Variants in TIMM23B observed in about 807,000 individuals in gnomAD.
TIMM23B encodes mitochondrial import inner membrane translocase subunit Tim23B.
TIMM23B carries 27 observed loss-of-function variants against 27.3 expected under a neutral mutation model. That is an observed-to-expected ratio of 0.99 (90% CI 0.73 to 1.36). The LOEUF (loss-of-function observed/expected upper bound fraction) is 1.36, where lower values mean the gene tolerates loss of function less well. Among genes scored for constraint, TIMM23B ranks in the 40% most tolerant of loss-of-function variants. The pLI is 0.00. For missense variants in TIMM23B, 205 were observed against 244.2 expected, an observed-to-expected ratio of 0.84 and a Z score of 1.07; for synonymous variants, 73 against 92.4, an observed-to-expected ratio of 0.79 and a Z score of 1.21.
At chr10:49,953,676 G>A (rs2133066979) in intron 4 of TIMM23B, among the ~76,000 whole-genome samples, 1 of 152,178 alleles carries the variant, frequency 6.6e-6, no homozygotes, top group African/African-American at 2.4e-5. Context: ...CTGTTACTGT[G>A]TGGATCTCTG....
At chr10:49,947,161 C>G (rs1231978715) in intron 2 of TIMM23B, among the ~76,000 whole-genome samples, 1 of 152,202 alleles carries the variant, frequency 6.6e-6, no homozygotes, top group Non-Finnish European at 1.5e-5. Flanking sequence ...CCGAAGCAGT[C>G]AAACTCTTAG....
chr10:49,944,629 A>G, intron 1 of TIMM23B, among the ~76,000 whole-genome samples: 1 of 152,208 alleles, frequency 6.6e-6, no homozygotes, highest in East Asian at 1.9e-4. Flanking sequence ...AGAAAACCCA[A>G]CCCAACCACT....
At chr10:49,950,812 G>T (rs1839505719) in intron 2 of TIMM23B, among the ~76,000 whole-genome samples, 1 of 152,316 alleles carries the variant, frequency 6.6e-6, no homozygotes, top group East Asian at 1.9e-4. Flanking sequence ...AAAGCGCTGA[G>T]ATTACAGGCG....
chr10:49,963,303 G>GAAAT (rs1554854871), intron 6 of TIMM23B, among the ~76,000 whole-genome samples: 37 of 151,964 alleles, frequency 2.4e-4, no homozygotes, highest in African/African-American at 8.7e-4. Context: ...GAAATGAAAT[G>GAAAT]GAATGAAATG....
intron 6 of TIMM23B, among the ~76,000 whole-genome samples, chr10:49,970,678 T>C (rs1185254885): frequency 7.0e-6 from 1 of 142,230 alleles, no homozygotes; most frequent in Non-Finnish European, 1.5e-5. Context: ...GGGCAGCCCC[T>C]GCCCCGCCAG....
intron 6 of TIMM23B, among the ~76,000 whole-genome samples, chr10:49,963,261 C>T (rs1350569023): frequency 6.6e-6 from 1 of 152,012 alleles, no homozygotes; most frequent in Non-Finnish European, 1.5e-5. Context: ...GTGGCACACT[C>T]CAGCCTGGGC....
Position 49,945,137 on chromosome 10 carries a change from A to T in TIMM23B, c.165+47A>T, listed in dbSNP as rs1339503008. ...TTTGGTGCATTATTTTACCATTTTT[A>T]AAAAAACGCCAAGTGCTATGCTGAC... On this transcript the variant is annotated intron_variant, in intron 2 of 6. Transcript: ENST00000651259. The T allele has an allele frequency of 9.7e-5, 156 of 1,601,436 alleles. No homozygotes were observed. In the African/African-American group the frequency reaches 1.4e-3, roughly 15 times the overall value.
chr10:49,971,826 T>TA (rs1378811462), intron 6 of TIMM23B, among the ~76,000 whole-genome samples: 4 of 152,222 alleles, frequency 2.6e-5, no homozygotes, highest in African/African-American at 9.6e-5. Context: ...CTCAGTGATG[T>TA]AAAATATAAC....
In TIMM23B at chr10:49,962,390, T is replaced by G. The variant is rs1249647350; in HGVS notation, c.514+3910T>G. Reference sequence around the variant, plus strand: ...GCTAATTTTTGTATTTTTAATAGAGTCGGGGTTTCACCATGTTGGCCAGGA... The same window carrying G: ...GCTAATTTTTGTATTTTTAATAGAGGCGGGGTTTCACCATGTTGGCCAGGA... On this transcript the variant is annotated intron_variant, in intron 6 of 6. Transcript: ENST00000651259. 3.8e-3 allele frequency among the ~76,000 whole-genome samples: 584 copies of G among 152,026 alleles called. 7 individuals are homozygous for G. The highest frequency in any genetic ancestry group is 0.014 in the African/African-American group (563 of 41,470).
chr10:49,949,954 G>T (rs1321911339), intron 2 of TIMM23B, among the ~76,000 whole-genome samples: 3 of 151,704 alleles, frequency 2.0e-5, no homozygotes, highest in Non-Finnish European at 4.4e-5. Context: ...CAAAGTGCTG[G>T]GATTACAAGC....
At position 49,952,437 on chromosome 10, in the gene TIMM23B, A is replaced by G. The variant is rs1589033245; in HGVS notation, c.260-12A>G. 1.9e-6 allele frequency: 3 copies of G among 1,611,134 alleles called. No individual in the cohort carries two copies. Among genetic ancestry groups the G allele is most frequent in the African/African-American group, 1.3e-5 (1 of 74,368 alleles). Reference sequence around the variant, plus strand: ...AGCTGTCTTATCTGGGTGAATTTTTATGATTTACCAGGGGCTGCGTTTGGG... The same window carrying G: ...AGCTGTCTTATCTGGGTGAATTTTTGTGATTTACCAGGGGCTGCGTTTGGG... On this transcript the variant is annotated splice_polypyrimidine_tract_variant and intron_variant, in intron 3 of 6. Coordinates refer to ENST00000651259, the MANE Select transcript of TIMM23B (RefSeq NM_001290117.2).
chr10:49,972,104 A>G (rs1840476415), intron 6 of TIMM23B, among the ~76,000 whole-genome samples: 2 of 152,244 alleles, frequency 1.3e-5, no homozygotes, highest in Admixed American at 1.3e-4. Context: ...CACATATGTA[A>G]TATAGTATTT....
chr10:49,946,926 A>G (rs1839371018), intron 2 of TIMM23B, among the ~76,000 whole-genome samples: 1 of 152,068 alleles, frequency 6.6e-6, no homozygotes, highest in Non-Finnish European at 1.5e-5. Context: ...CCACATCATG[A>G]TAGTAACATA....
rs1166005204 is a variant in TIMM23B at position 49,955,081 on chromosome 10, A to G, written c.403+21A>G. ...TCTGGGTAAGTAGAGATCTCGTTTG[A>G]TAATAAATTGTTAACTTAAAGAAAG... is the stretch of plus-strand genomic sequence containing the variant. On this transcript the variant is annotated intron_variant, in intron 5 of 6. Coordinates refer to ENST00000651259, the MANE Select transcript of TIMM23B (RefSeq NM_001290117.2). 1.6e-3 allele frequency: 2,537 copies of G among 1,610,156 alleles called. 27 individuals carry two copies. In the African/African-American group the frequency reaches 0.028, roughly 18 times the overall value.
At chr10:49,949,068 T>TA (rs1237941920) in intron 2 of TIMM23B, among the ~76,000 whole-genome samples, 4 of 151,926 alleles carry the variant, frequency 2.6e-5, no homozygotes, top group Non-Finnish European at 5.9e-5. Context: ...TTTTTTTTTT[T>TA]ACATTCTTTG....
chr10:49,944,761 T>C (rs1316167233), intron 1 of TIMM23B, among the ~76,000 whole-genome samples: 16 of 152,236 alleles, frequency 1.1e-4, no homozygotes, highest in Non-Finnish European at 2.1e-4. Context: ...CTACACTTCC[T>C]GTAAGTTCAA....
intron 1 of TIMM23B, among the ~76,000 whole-genome samples, chr10:49,944,447 A>G (rs1263222789): frequency 1.5e-4 from 23 of 152,012 alleles, no homozygotes; most frequent in African/African-American, 2.9e-4. Flanking sequence ...ACTGTTTTCA[A>G]TGTTAGTGAA....
chr10:49,971,151 C>T (rs1750427808), intron 6 of TIMM23B, among the ~76,000 whole-genome samples: 2 of 152,002 alleles, frequency 1.3e-5, no homozygotes, highest in African/African-American at 2.4e-5. Flanking sequence ...AGAGTCATCA[C>T]CGCTCCCTAA....
At chr10:49,972,149 C>T (rs1263513081) in intron 6 of TIMM23B, among the ~76,000 whole-genome samples, 10 of 152,148 alleles carry the variant, frequency 6.6e-5, no homozygotes, top group Non-Finnish European at 1.2e-4. Context: ...GTCCACTGGC[C>T]GAAGAAGTAT....
Sources: allele counts gnomAD v4.1 joint callset (sites outside exome capture counted in the v4.1 genomes callset), GRCh38; gene constraint gnomAD v4.1.1; transcripts MANE v1.5; gene names NCBI Gene and HGNC (gene_info 2026-07-23, HGNC 2026-07-21).